KDM3A: variants seen among roughly 807,000 people sequenced by gnomAD.
KDM3A encodes lysine demethylase 3A, also known as lysine-specific demethylase 3A.
KDM3A carries 60 observed loss-of-function variants against 158.0 expected under a neutral mutation model. That is an observed-to-expected ratio of 0.38 (90% CI 0.31 to 0.47). The LOEUF is 0.47. KDM3A is among the 20% of genes least tolerant of loss of function. KDM3A has a pLI of 0.99. For missense variants in KDM3A, 1,319 were observed against 1,574.3 expected (o/e 0.84, Z 2.74); for synonymous variants, 608 against 549.3 (o/e 1.11, Z -1.49).
chr2:86,444,674 G>A (rs977847383), intron 2 of KDM3A, among the ~76,000 whole-genome samples: 1 of 151,754 alleles, frequency 6.6e-6, no homozygotes, highest in African/African-American at 2.4e-5. Flanking sequence ...GGTGGGGCGA[G>A]GGGCTGAGAT....
rs771762483 is a variant in KDM3A at position 86,457,050 on chromosome 2, A to G, written c.822A>G (p.Lys274=). The change falls in exon 8 of 26, where the codon AAA becomes AAG. Residue 274 remains lysine (K), a synonymous_variant. Coordinates refer to ENST00000312912, the MANE Select transcript of KDM3A (RefSeq NM_018433.6). ...SSENNGTLVS[K]QAKSCSEASP... Reference sequence around the variant, plus strand: ...AGAATAATGGAACCCTGGTTTCCAAACAAGCAAAATCTTGCTCTGAGGTAA... The same window carrying G: ...AGAATAATGGAACCCTGGTTTCCAAGCAAGCAAAATCTTGCTCTGAGGTAA... The G allele has an allele frequency of 1.9e-6, 3 of 1,592,324 alleles. No individual in the cohort carries two copies. The South Asian group carries it at 3.4e-5, about 18-fold the overall frequency.
chr2:86,438,838 A>C (rs539322666), upstream of KDM3A, among the ~76,000 whole-genome samples: 19 of 152,106 alleles, frequency 1.2e-4, no homozygotes, highest in African/African-American at 3.4e-4. Context: ...ACCAAATGCA[A>C]ATTTCTTTTT....
intron 19 of KDM3A, chr2:86,484,608 T>C (rs1674095410): frequency 1.1e-5 from 3 of 268,784 alleles, no homozygotes; most frequent in Admixed American, 4.8e-5. Flanking sequence ...AGGGAGCGGC[T>C]GAATCTCCCA....
chr2:86,439,547 T>G (rs1312916083), upstream of KDM3A, among the ~76,000 whole-genome samples: 1 of 152,108 alleles, frequency 6.6e-6, no homozygotes, highest in Non-Finnish European at 1.5e-5. Flanking sequence ...ATATGTTCCT[T>G]CAGGTTCAAT....
At chr2:86,491,723 T>C in intron 25 of KDM3A, 1 of 344,706 alleles carries the variant, frequency 2.9e-6, no homozygotes, top group Non-Finnish European at 5.3e-6. Flanking sequence ...CATAATTTCA[T>C]GTTTGGAAAA....
At position 86,491,127 on chromosome 2, in the gene KDM3A, TTGG is replaced by T; in HGVS notation, c.3751-11_3751-9del. On this transcript the variant is annotated splice_polypyrimidine_tract_variant and intron_variant, in intron 24 of 25. Coordinates refer to ENST00000312912, the MANE Select transcript of KDM3A (RefSeq NM_018433.6). ...TTTGGGTTTGTTACTGATATATTAC[TTGG>T]TGTTTTTCAGGTTCATAACTTATAT... The T allele has an allele frequency of 6.2e-7, 1 of 1,613,916 alleles. No homozygotes were observed. Among genetic ancestry groups the T allele is most frequent in the Non-Finnish European group, 8.5e-7 (1 of 1,179,820 alleles).
chr2:86,460,204 T>A (rs1262260297), intron 8 of KDM3A, among the ~76,000 whole-genome samples: 1 of 152,230 alleles, frequency 6.6e-6, no homozygotes, highest in Non-Finnish European at 1.5e-5. Flanking sequence ...CCCCTGTATT[T>A]ATCACAGAGA....
chr2:86,463,343 C>A (rs1167721844), intron 8 of KDM3A, among the ~76,000 whole-genome samples: 2 of 152,120 alleles, frequency 1.3e-5, no homozygotes, highest in East Asian at 3.8e-4. Flanking sequence ...TCTTGAGTTT[C>A]TCCTTTCTTT....
At position 86,482,601 on chromosome 2, in the gene KDM3A, C is replaced by T. The variant is rs766596349; in HGVS notation, c.2829C>T (p.His943=). 5.6e-6 allele frequency: 9 copies of T among 1,613,912 alleles called. No individual in the cohort carries two copies. The highest frequency in any genetic ancestry group is 4.4e-5 in the South Asian group (4 of 91,082). Residue 943 remains histidine (H), a synonymous_variant, in exon 18 of 26, where the codon CAC becomes CAT. Transcript: ENST00000312912. The part of the protein sequence containing the change: ...KPSILGFDTP[H]YWLCDNRLLC... ...GCATTCTGGGCTTTGACACTCCTCA[C>T]TATTGGCTTTGTGATAATCGCTTGC... is the stretch of plus-strand genomic sequence containing the variant.
At chr2:86,480,097 G>A in intron 15 of KDM3A, 70 bp from the exon 16 acceptor site, 1 of 1,215,936 alleles carries the variant, frequency 8.2e-7, no homozygotes. Context: ...CGGCTATTAG[G>A]AGAGAAGAAA....
chr2:86,482,147 A>G, intron 17 of KDM3A, 45 bp downstream of exon 17: 1 of 1,575,098 alleles, frequency 6.3e-7, no homozygotes, highest in Non-Finnish European at 8.7e-7. Flanking sequence ...AGTTGAAGAC[A>G]GAACAGGAAG....
Position 86,449,920 on chromosome 2 carries a change from G to A in KDM3A, c.300G>A (p.Lys100=), listed in dbSNP as rs778186192. The A allele has an allele frequency of 1.2e-6, 2 of 1,613,692 alleles. No individual in the cohort carries two copies. Among genetic ancestry groups the A allele is most frequent in the Non-Finnish European group, 1.7e-6 (2 of 1,179,718 alleles). The part of the protein sequence containing the change: ...VEHNLVLAER[K]SPEISERIVQ... ...ATAATTTGGTTTTAGCTGAACGAAA[G>A]TCACCTGAAATTTCTGAACGAATTG... The change falls in exon 3 of 26, where the codon AAG becomes AAA. Residue 100 remains lysine (K), a synonymous_variant. Coordinates refer to ENST00000312912, the MANE Select transcript of KDM3A (RefSeq NM_018433.6).
At chr2:86,487,963 CTCCTT>C (rs1381438759) in intron 21 of KDM3A, 2 of 152,266 alleles carry the variant, frequency 1.3e-5, no homozygotes, top group Admixed American at 6.5e-5. Flanking sequence ...GCCTCCTAGT[CTCCTT>C]TCCTTACTTT....
upstream of KDM3A, chr2:86,441,141 T>C (rs1682676580): frequency 6.6e-6 from 1 of 152,304 alleles, no homozygotes; most frequent in South Asian, 2.1e-4. Flanking sequence ...CTCTGTGTAC[T>C]TTAACCTAAT....
At chr2:86,450,782 A>G in intron 3 of KDM3A, among the ~76,000 whole-genome samples, 1 of 152,112 alleles carries the variant, frequency 6.6e-6, no homozygotes, top group East Asian at 1.9e-4. Flanking sequence ...AGCTGTTTAG[A>G]ACTGGTTAAA....
intron 25 of KDM3A, 111 bp downstream of exon 25, chr2:86,491,386 CAGTG>C: frequency 9.1e-7 from 1 of 1,094,096 alleles, no homozygotes; most frequent in Non-Finnish European, 1.4e-6. Flanking sequence ...ACTTAGTACA[CAGTG>C]AGTCGAGGAA....
intron 19 of KDM3A, 173 bp from the exon 20 acceptor site, chr2:86,484,769 A>T (rs1674102345): frequency 9.5e-6 from 5 of 526,754 alleles, no homozygotes; most frequent in Non-Finnish European, 1.7e-5. Flanking sequence ...GATAGTTGGT[A>T]GGAGGGGAAA....
At chr2:86,453,761 C>T (rs998539229) in intron 4 of KDM3A, among the ~76,000 whole-genome samples, 3 of 152,142 alleles carry the variant, frequency 2.0e-5, no homozygotes, top group African/African-American at 7.2e-5. Flanking sequence ...TCTAATGTTA[C>T]TTGGCAAAAG....
chr2:86,482,089 C>G lies in KDM3A; in HGVS notation c.2672C>G (p.Ser891Cys). The G allele has an allele frequency of 6.2e-7, 1 of 1,613,628 alleles. No individual in the cohort carries two copies. Among genetic ancestry groups the G allele is most frequent in the Non-Finnish European group, 8.5e-7 (1 of 1,179,794 alleles). Residue 891 changes from serine (S) to cysteine (C), a missense_variant, in exon 17 of 26, where the codon TCT becomes TGT. Around this residue, in one of 4 missense-constraint regions of KDM3A, gnomAD observed 368 missense variants for 415.8 expected, o/e 0.89. Transcript: ENST00000312912. ...NSGFLRNLLN[S>C]STGKTENGLK... ...GGTTTCCTCCGGAATCTCTTGAATT[C>G]TTCTACAGGAAAGGTATGTGTTTGT...
Sources: gnomAD v4.1 joint callset for allele counts (sites outside exome capture counted in the v4.1 genomes callset) on GRCh38, gnomAD v4.1.1 for gene constraint, gnomAD v4.1.1 regional missense constraint, MANE v1.5 for transcripts, NCBI Gene and HGNC (gene_info 2026-07-23, HGNC 2026-07-21) for gene names.